RBM28: variants seen among roughly 807,000 people sequenced by gnomAD.
The protein encoded by RBM28 is RNA binding motif protein 28, also known as RNA-binding protein 28.
Under a neutral mutation model 98.3 loss-of-function variants are expected in RBM28, and 78 were observed. The observed-to-expected ratio is 0.79, with a 90% CI of 0.66 to 0.96. The LOEUF is 0.96. RBM28 is among the 40% of genes least tolerant of loss of function. RBM28 has a pLI of 0.00. For missense variants in RBM28, 838 were observed against 913.0 expected (o/e 0.92, Z 1.06); for synonymous variants, 306 against 330.9 (o/e 0.92, Z 0.82).
Position 128,321,274 on chromosome 7 carries a change from T to G in RBM28, c.1555A>C (p.Ile519Leu). 1 of 1,614,212 alleles carries G rather than the reference T, an allele frequency of 6.2e-7. No homozygotes were observed. The highest frequency in any genetic ancestry group is 2.2e-5 in the East Asian group (1 of 44,894). The change falls in exon 14 of 19, where the codon ATC becomes CTC. Residue 519 changes from isoleucine to leucine, a missense_variant. By Grantham distance (5) the Ile-to-Leu change is conservative (BLOSUM62 2). Coordinates refer to ENST00000223073, the MANE Select transcript of RBM28 (RefSeq NM_018077.3). ...SATSGEKGVRIKECRVMRDLK... is the reference protein window; with the variant it reads ...SATSGEKGVRLKECRVMRDLK... ...TCAGGGCCACGTCTCACCTCCTTGA[T>G]GCGCACCCCTTTCTCTCCACTAGTA... is the stretch of plus-strand genomic sequence containing the variant.
chr7:128,325,381 A>C (rs943021071), intron 11 of RBM28, among the ~76,000 whole-genome samples: 1 of 152,258 alleles, frequency 6.6e-6, no homozygotes, highest in Non-Finnish European at 1.5e-5. Flanking sequence ...AAGAGGACTT[A>C]AGAAATAACA....
At chr7:128,323,625 C>T in intron 12 of RBM28, 34 bp from the exon 13 acceptor site, 2 of 1,612,712 alleles carry the variant, frequency 1.2e-6, no homozygotes, top group Non-Finnish European at 1.7e-6. Flanking sequence ...AAGACATCAA[C>T]AAGGGAATTT....
chr7:128,321,924 T>G (rs1156858709), intron 13 of RBM28, among the ~76,000 whole-genome samples: 1 of 152,042 alleles, frequency 6.6e-6, no homozygotes. Flanking sequence ...AGTGCATGCC[T>G]GTAATCCCAG....
At position 128,330,450 on chromosome 7, in the gene RBM28, C is replaced by T. The variant is rs530989900; in HGVS notation, c.1129+369G>A. ...AGGCTGGAGTGCAGTGGCATGATCTCGGCTCATTGCAACCTCCACCTCCCG... is the reference window on the plus strand; with the variant it reads ...AGGCTGGAGTGCAGTGGCATGATCTTGGCTCATTGCAACCTCCACCTCCCG... On this transcript the variant is annotated intron_variant, in intron 10 of 18. Coordinates refer to ENST00000223073, the MANE Select transcript of RBM28 (RefSeq NM_018077.3). 4.3e-5 allele frequency among the ~76,000 whole-genome samples: 6 copies of T among 140,648 alleles called. No individual in the cohort carries two copies. The South Asian group carries it at 1.4e-3, about 34-fold the overall frequency. The allele number at this position is 140,648 out of a possible 152,430, so 92.3% of individuals were successfully genotyped here.
chr7:128,326,097 G>A (rs1796344891), intron 10 of RBM28, among the ~76,000 whole-genome samples: 1 of 152,184 alleles, frequency 6.6e-6, no homozygotes, highest in Admixed American at 6.5e-5. Context: ...GAGGTCAAGA[G>A]ATCAAGACCA....
At chr7:128,314,241 C>A (rs768059170) in intron 17 of RBM28, among the ~76,000 whole-genome samples, 1 of 152,192 alleles carries the variant, frequency 6.6e-6, no homozygotes, top group South Asian at 2.1e-4. Flanking sequence ...GGATTACAGG[C>A]GTGAGCCACC....
At chr7:128,315,940 G>A (rs146434236) in intron 16 of RBM28, among the ~76,000 whole-genome samples, 102 of 152,286 alleles carry the variant, frequency 6.7e-4, no homozygotes, top group African/African-American at 2.2e-3. Context: ...AAGTAAAGAC[G>A]ACAAGAAAAA....
At position 128,335,757 on chromosome 7, in the gene RBM28, C is replaced by T. The variant is rs1023829801; in HGVS notation, c.810-78G>A. 62 of 1,613,052 alleles carry T rather than the reference C, an allele frequency of 3.8e-5. No individual in the cohort carries two copies. In the African/African-American group the frequency reaches 7.5e-4, roughly 19 times the overall value. ...AATTTCATTACACATGTCAATTCTG[C>T]AATGATGCAGGCAGAAAAAGGAGAA... On this transcript the variant is annotated intron_variant, in intron 7 of 18. Coordinates refer to ENST00000223073, the MANE Select transcript of RBM28 (RefSeq NM_018077.3).
chr7:128,306,491 T>C lies in RBM28; in HGVS notation c.*4306A>G, dbSNP rs930658827. On this transcript the variant is annotated 3_prime_UTR_variant, in exon 19 of 19. Transcript: ENST00000223073. Reference sequence around the variant, plus strand: ...ACTCCTACTACGAGTAAATCAATGTTAGGTGTTGTGGGGTATGTGGAAAAG... The same window carrying C: ...ACTCCTACTACGAGTAAATCAATGTCAGGTGTTGTGGGGTATGTGGAAAAG... The C allele has an allele frequency of 3.3e-5, 5 of 152,160 alleles. No individual in the cohort carries two copies. Among genetic ancestry groups the C allele is most frequent in the Non-Finnish European group, 7.3e-5 (5 of 68,034 alleles). 9.4% of individuals were successfully genotyped at this position (152,160 alleles called of 1,614,324 possible). A position where few individuals can be genotyped will look rare whatever the true frequency, so the allele number is the denominator to read the frequency against.
rs1027073226 is a variant in RBM28, at chr7:128,324,691, C to T, written c.1207G>A (p.Gly403Ser). 1.2e-6 allele frequency: 2 copies of T among 1,614,036 alleles called. No individual in the cohort carries two copies. Among genetic ancestry groups the T allele is most frequent in the Non-Finnish European group, 1.7e-6 (2 of 1,180,032 alleles). ...LLAASPENEA[G>S]GLKLDGRQLK... ...TGCCGGCCATCCAGTTTAAGCCCAC[C>T]AGCCTGTAACAGATCACAACCCTTT... Residue 403 changes from glycine to serine, a missense_variant, in exon 12 of 19, where the codon GGT (glycine) becomes AGT (serine). Coordinates refer to ENST00000223073, the MANE Select transcript of RBM28 (RefSeq NM_018077.3).
At chr7:128,336,579 G>T (rs561065845) in intron 6 of RBM28, among the ~76,000 whole-genome samples, 1 of 152,318 alleles carries the variant, frequency 6.6e-6, no homozygotes, top group East Asian at 1.9e-4. Flanking sequence ...CCAGGAAGGG[G>T]CTTAGACTCA....
chr7:128,316,641 A>G (rs149382855), intron 16 of RBM28, among the ~76,000 whole-genome samples: 82 of 152,328 alleles, frequency 5.4e-4, no homozygotes, highest in Non-Finnish European at 1.1e-3. Flanking sequence ...TGAACCCAGA[A>G]GGTGGAGGTT....
chr7:128,334,849 CT>C (rs1306137753), intron 8 of RBM28, among the ~76,000 whole-genome samples: 2 of 152,158 alleles, frequency 1.3e-5, no homozygotes, highest in East Asian at 3.9e-4. Flanking sequence ...GGGCCCTAAT[CT>C]GATAGGATTG....
intron 8 of RBM28, among the ~76,000 whole-genome samples, 154 bp downstream of exon 8, chr7:128,335,389 A>C (rs1796573828): frequency 6.6e-6 from 1 of 152,264 alleles, no homozygotes; most frequent in South Asian, 2.1e-4. Context: ...GGAAGAAAGG[A>C]GTATAAAGGT....
chr7:128,335,721 A>G, intron 7 of RBM28, 42 bp from the exon 8 acceptor site: 9 of 1,614,028 alleles, frequency 5.6e-6, no homozygotes, highest in Non-Finnish European at 7.6e-6. Context: ...GGGCTGACAG[A>G]GGGCCTATTC....
At chr7:128,330,348 T>C (rs900924697) in intron 10 of RBM28, among the ~76,000 whole-genome samples, 2 of 144,376 alleles carry the variant, frequency 1.4e-5, no homozygotes, top group African/African-American at 5.1e-5. Context: ...GTGACACCAT[T>C]AAAGACCAGG....
At chr7:128,337,088 G>A (rs1796616452) in intron 6 of RBM28, 43 bp downstream of exon 6, 1 of 1,588,458 alleles carries the variant, frequency 6.3e-7, no homozygotes. Context: ...CTCTCACCCA[G>A]GTTATACAAC....
Position 128,306,322 on chromosome 7 carries a change from C to T in RBM28, c.*4475G>A, listed in dbSNP as rs528191162. Reference sequence around the variant, plus strand: ...AGGCATAGCAGAAAGTACGGTGGTACACTCAAGGCACTGTGAACAGCAGTT... The same window carrying T: ...AGGCATAGCAGAAAGTACGGTGGTATACTCAAGGCACTGTGAACAGCAGTT... On this transcript the variant is annotated 3_prime_UTR_variant, in exon 19 of 19. Coordinates refer to ENST00000223073, the MANE Select transcript of RBM28 (RefSeq NM_018077.3). 1 of 152,328 alleles carries T rather than the reference C, an allele frequency of 6.6e-6. No homozygotes were observed. The highest frequency in any genetic ancestry group is 1.9e-4 in the East Asian group (1 of 5,180). 9.4% of individuals were successfully genotyped at this position (152,328 alleles called of 1,614,324 possible).
intron 10 of RBM28, among the ~76,000 whole-genome samples, chr7:128,329,702 G>A (rs1245677712): frequency 3.3e-5 from 5 of 151,994 alleles, no homozygotes; most frequent in Admixed American, 1.3e-4. Flanking sequence ...TGGCTAACAC[G>A]GTGAAGCCCC....
Sources: gnomAD v4.1 joint callset for allele counts (sites outside exome capture counted in the v4.1 genomes callset) on GRCh38, gnomAD v4.1.1 for gene constraint, MANE v1.5 for transcripts, NCBI Gene and HGNC (gene_info 2026-07-23, HGNC 2026-07-21) for gene names.